The following DDOST variants were observed in gnomAD, a reference collection of about 807,000 sequenced individuals.
DDOST encodes the protein dolichyl-diphosphooligosaccharide--protein glycosyltransferase 48 kDa subunit.
Under a neutral mutation model 47.6 loss-of-function variants are expected in DDOST, and 25 were observed. That is an observed-to-expected ratio of 0.53 (90% confidence interval 0.38 to 0.73). DDOST has a LOEUF of 0.73. Ranked by LOEUF, DDOST falls within the 30% of genes least tolerant of loss-of-function variation. DDOST has a pLI of 0.00. For missense variants in DDOST, 526 were observed against 573.9 expected (o/e 0.92, Z 0.85); for synonymous variants, 275 against 236.0 (o/e 1.17, Z -1.51).
intron 3 of DDOST, 121 bp from the exon 4 acceptor site, chr1:20,655,900 G>T: frequency 1.1e-6 from 1 of 913,784 alleles, no homozygotes; most frequent in African/African-American, 1.6e-5. Context: ...CATCCAGCTG[G>T]GCTCAGCCCC....
At chr1:20,654,202 C>A (rs1014175774) in intron 7 of DDOST, 21 bp downstream of exon 7, 17 of 1,549,992 alleles carry the variant, frequency 1.1e-5, no homozygotes, top group Non-Finnish European at 1.4e-5. Flanking sequence ...ATCCCCGGCC[C>A]CTAAGCCTCC....
In DDOST at chr1:20,661,273, G is replaced by C; in HGVS notation, c.78C>G (p.Ser26Arg). 6.2e-7 allele frequency: 1 copy of C among 1,613,818 alleles called. No individual in the cohort carries two copies. The highest frequency in any genetic ancestry group is 8.5e-7 in the Non-Finnish European group (1 of 1,179,982). The change falls in exon 1 of 11, where the codon AGC becomes AGG. Residue 26 changes from serine (S) to arginine (R), a missense_variant. Transcript: ENST00000602624. ...LLPLLGAVCASGPRTLVLLDN... is the reference protein window; with the variant it reads ...LLPLLGAVCARGPRTLVLLDN... ...CCAGCAGCACTAAGGTGCGGGGTCC[G>C]CTGGCGCAAACCGCGCCAAGCAAGG...
intron 2 of DDOST, among the ~76,000 whole-genome samples, chr1:20,656,634 C>T (rs1348348665): frequency 1.3e-5 from 2 of 152,192 alleles, no homozygotes; most frequent in Admixed American, 6.5e-5. Context: ...AGCACTTCTG[C>T]ATCTCCAGTG....
At chr1:20,653,297 A>G (rs1416069042) in intron 8 of DDOST, among the ~76,000 whole-genome samples, 2 of 152,182 alleles carry the variant, frequency 1.3e-5, no homozygotes, top group African/African-American at 4.8e-5. Context: ...ATGCTTCCAT[A>G]TTCGCTTTCT....
At chr1:20,654,119 C>A in intron 7 of DDOST, 104 bp downstream of exon 7, 1 of 1,350,368 alleles carries the variant, frequency 7.4e-7, no homozygotes, top group Non-Finnish European at 1.0e-6. Context: ...CACTCAGCCT[C>A]TGACACTTTT....
Position 20,652,436 on chromosome 1 carries a change from C to A in DDOST, c.1263G>T (p.Gly421=). 1 of 1,613,966 alleles carries A rather than the reference C, an allele frequency of 6.2e-7. No individual in the cohort carries two copies. The highest frequency in any genetic ancestry group is 8.5e-7 in the Non-Finnish European group (1 of 1,180,006). The stretch of plus-strand genomic sequence containing the variant: ...AGAAGACGATGCTGAAGATGAAGAG[C>A]CCCAGCATCATGGAGAAGGCGCTGG... ...YYASAFSMML[G]LFIFSIVFLH... The change falls in exon 11 of 11, where the codon GGG becomes GGT. Residue 421 remains glycine (G), a synonymous_variant. Coordinates refer to ENST00000602624, the MANE Select transcript of DDOST (RefSeq NM_005216.5).
chr1:20,657,494 G>A (rs589709), intron 2 of DDOST, among the ~76,000 whole-genome samples: 57,213 of 151,918 alleles, frequency 0.38, 10,801 homozygotes, highest in Middle Eastern at 0.44. Flanking sequence ...AGGGAGGCGC[G>A]GCAGGCCTCC....
chr1:20,657,820 T>C (rs187156811), intron 2 of DDOST, among the ~76,000 whole-genome samples: 66 of 152,358 alleles, frequency 4.3e-4, no homozygotes, highest in African/African-American at 1.4e-3. Flanking sequence ...AAGCCATCTA[T>C]CTACTCTCCT....
In DDOST at chr1:20,652,545, G is replaced by A; in HGVS notation, c.1171-17C>T. ...CACGGATACCTGCAGGAGGACAGAG[G>A]TGGCAGGACCTGGCCACTGCAGAGC... On this transcript the variant is annotated splice_polypyrimidine_tract_variant and intron_variant, in intron 10 of 10. Coordinates refer to ENST00000602624, the MANE Select transcript of DDOST (RefSeq NM_005216.5). The A allele has an allele frequency of 2.5e-6, 4 of 1,613,956 alleles. No homozygotes were observed. The highest frequency in any genetic ancestry group is 2.2e-5 in the East Asian group (1 of 44,874).
chr1:20,654,982 C>T (rs566578382), intron 5 of DDOST, among the ~76,000 whole-genome samples: 1 of 152,252 alleles, frequency 6.6e-6, no homozygotes, highest in Admixed American at 6.5e-5. Flanking sequence ...GCATCAGCCT[C>T]CCAAGTAGCT....
In DDOST at chr1:20,655,530, G is replaced by C. The variant is rs11547742; in HGVS notation, c.461C>G (p.Thr154Arg). Residue 154 changes from threonine (T) to arginine (R), a missense_variant, in exon 5 of 11, where the codon ACG becomes AGG. By Grantham distance (71) the Thr-to-Arg change is moderately conservative. Coordinates refer to ENST00000602624, the MANE Select transcript of DDOST (RefSeq NM_005216.5). ...GTTCTCAGTGTCAGCCACGATGAGC[G>C]TATGCTGCAAAGAGTAGATGGAAAG... ...NYDISDLGQH[T>R]LIVADTENLL... 6.2e-7 allele frequency: 1 copy of C among 1,613,744 alleles called. No individual in the cohort carries two copies. The highest frequency in any genetic ancestry group is 1.1e-5 in the South Asian group (1 of 91,072).
Position 20,652,393 on chromosome 1 carries a change from CCTT to C in DDOST, c.1303_1305del (p.Lys435del). 2 of 1,612,906 alleles carry C rather than the reference CCTT, an allele frequency of 1.2e-6. No individual in the cohort carries two copies. Among genetic ancestry groups the C allele is most frequent in the Non-Finnish European group, 1.7e-6 (2 of 1,179,454 alleles). On this transcript the variant is annotated inframe_deletion, in exon 11 of 11. Coordinates refer to ENST00000602624, the MANE Select transcript of DDOST (RefSeq NM_005216.5). ...GCTCTAGCCCCTCAGTCGGACTTCT[CCTT>C]CTCCTTCATGTGCAAGAAGACGATG...
At chr1:20,656,235 C>T (rs767408249) in intron 2 of DDOST, 48 bp from the exon 3 acceptor site, 1 of 1,452,110 alleles carries the variant, frequency 6.9e-7, no homozygotes, top group African/African-American at 1.4e-5. Flanking sequence ...CCTCTCCCTG[C>T]TCCTCTGACA....
At chr1:20,659,162 CT>C (rs11320315) in intron 2 of DDOST, among the ~76,000 whole-genome samples, 90,009 of 144,548 alleles carry the variant, frequency 0.62, 27,543 homozygotes, top group African/African-American at 0.71. Flanking sequence ...CTAGCCTTTT[CT>C]TTTTTTTTTT....
intron 8 of DDOST, 196 bp from the exon 9 acceptor site, chr1:20,653,167 A>C: frequency 1.6e-6 from 1 of 620,248 alleles, no homozygotes; most frequent in Non-Finnish European, 2.8e-6. Flanking sequence ...ATCCCCCAAC[A>C]CAGCATCTCT....
In DDOST at chr1:20,653,685, GAC is replaced by G; in HGVS notation, c.882_883del (p.Ser295ProfsTer17). ...GGCTGTCTCGCCCACCCGATGATGG[GAC>G]ACAGGCCCCACACGGAGGACACCCT... On this transcript the variant is annotated frameshift_variant, in exon 8 of 11. Transcript: ENST00000602624. LOFTEE classifies it high-confidence loss of function. The G allele has an allele frequency of 6.2e-7, 1 of 1,613,974 alleles. No individual in the cohort carries two copies. Among genetic ancestry groups the G allele is most frequent in the South Asian group, 1.1e-5 (1 of 91,070 alleles).
At chr1:20,654,867 GTTT>G (rs2053351064) in intron 5 of DDOST, among the ~76,000 whole-genome samples, 160 bp from the exon 6 acceptor site, 1 of 152,008 alleles carries the variant, frequency 6.6e-6, no homozygotes, top group Non-Finnish European at 1.5e-5. Flanking sequence ...ACTTGTTTTT[GTTT>G]TTGTTTTTCA....
rs768062919 is a variant in DDOST at position 20,654,595 on chromosome 1, A to G, written c.645+19T>C. 2 of 1,545,362 alleles carry G rather than the reference A, an allele frequency of 1.3e-6. No homozygotes were observed. Among genetic ancestry groups the G allele is most frequent in the Admixed American group, 3.9e-5 (2 of 51,436 alleles). On this transcript the variant is annotated intron_variant, in intron 6 of 10. Coordinates refer to ENST00000602624, the MANE Select transcript of DDOST (RefSeq NM_005216.5). ...TGCTTCATTTTTATTTCGAAGCCTC[A>G]AGGTTGTGAAGCCCTTACCTGGGTG...
chr1:20,658,034 T>C (rs757772740), intron 2 of DDOST, among the ~76,000 whole-genome samples: 2 of 152,214 alleles, frequency 1.3e-5, no homozygotes, highest in Non-Finnish European at 2.9e-5. Flanking sequence ...ACAGCCTCAC[T>C]ATAAAATTAT....
Sources: allele counts gnomAD v4.1 joint callset (sites outside exome capture counted in the v4.1 genomes callset), GRCh38; gene constraint gnomAD v4.1.1; transcripts MANE v1.5; gene names NCBI Gene and HGNC (gene_info 2026-07-23, HGNC 2026-07-21).